Variants in PDE11A observed in about 807,000 individuals in gnomAD.
PDE11A encodes dual 3',5'-cyclic-AMP and -GMP phosphodiesterase 11A.
Under a neutral mutation model 100.5 loss-of-function variants are expected in PDE11A, and 100 were observed. The observed-to-expected ratio is 1.00, with a 90% CI of 0.85 to 1.18. PDE11A has a LOEUF of 1.18. PDE11A is among the 50% of genes most tolerant of loss of function. The pLI, the probability that PDE11A is intolerant of heterozygous loss-of-function variation, is 0.00. For synonymous variants in PDE11A, 381 were observed against 420.8 expected (o/e 0.91, Z 1.16); for missense variants, 1,141 against 1,152.6 (o/e 0.99, Z 0.15).
At position 178,097,663 on chromosome 2, in the gene PDE11A, A is replaced by G. The variant is rs187435230; in HGVS notation, c.162+6639T>C. On this transcript the variant is annotated intron_variant, in intron 2 of 20. Transcript: ENST00000358450. ...GCTAGTAGAAAATGATAAAACAGAA[A>G]CATATAAATGACAGCAAAAATGGAC... Among the ~76,000 whole-genome samples the G allele has an allele frequency of 2.4e-4, 36 of 152,348 alleles. 1 individual carries two copies. The highest frequency in any genetic ancestry group is 1.0e-3 in the Admixed American group (16 of 15,300).
chr2:177,817,863 A>G lies in PDE11A; in HGVS notation c.1639T>C (p.Phe547Leu), dbSNP rs755211669. 2 of 1,476,426 alleles carry G rather than the reference A, an allele frequency of 1.4e-6. No homozygotes were observed. The highest frequency in any genetic ancestry group is 1.4e-5 in the African/African-American group (1 of 70,494). 91.5% of individuals were successfully genotyped at this position (1,476,426 alleles called of 1,614,324 possible). A position where few individuals can be genotyped will look rare whatever the true frequency, so the allele number is the denominator to read the frequency against. ...TTATAAATTTATTTTCTTACCTCAA[A>G]AAGTCGTTGATCTGCATCATCAAAA... The part of the protein sequence containing the change: ...KPFDDADQRL[F>L]EAFVIFCGLG... Residue 547 changes from phenylalanine to leucine, a missense_variant, in exon 8 of 20, where the codon TTT becomes CTT. Phe to Leu is a conservative substitution (Grantham distance 22). Transcript: ENST00000286063.
At chr2:177,670,992 A>T (rs1343285046) in intron 17 of PDE11A, among the ~76,000 whole-genome samples, 1 of 152,062 alleles carries the variant, frequency 6.6e-6, no homozygotes. Flanking sequence ...CTCTCCTGCT[A>T]CCCTGCATTT....
chr2:177,660,154 T>TTC (rs67756876), intron 19 of PDE11A, among the ~76,000 whole-genome samples: 1 of 134,872 alleles, frequency 7.4e-6, no homozygotes, highest in African/African-American at 2.9e-5. Flanking sequence ...TCTTTCTTTC[T>TTC]TCTCTCTCTC....
At chr2:178,014,600 T>C (rs2086311777) in intron 1 of PDE11A, 140 bp from the exon 2 acceptor site, 4 of 692,972 alleles carry the variant, frequency 5.8e-6, no homozygotes, top group Non-Finnish European at 7.7e-6. Context: ...AGATTTGACT[T>C]CATTTTTAAT....
chr2:177,669,599 A>G, intron 17 of PDE11A, 32 bp from the exon 18 acceptor site: 2 of 930,318 alleles, frequency 2.1e-6, no homozygotes, highest in Non-Finnish European at 3.6e-6. Flanking sequence ...ATCTGTGATT[A>G]TGTGTAGTTT....
At chr2:177,814,774 G>C (rs554385638) in intron 9 of PDE11A, among the ~76,000 whole-genome samples, 1 of 152,312 alleles carries the variant, frequency 6.6e-6, no homozygotes, top group African/African-American at 2.4e-5. Flanking sequence ...CATGGGTAAA[G>C]AGACTGGGGC....
At chr2:177,799,175 T>A (rs534694923) in intron 9 of PDE11A, among the ~76,000 whole-genome samples, 2 of 151,916 alleles carry the variant, frequency 1.3e-5, no homozygotes, top group Non-Finnish European at 2.9e-5. Flanking sequence ...TCAACAAAAT[T>A]GAAAAGTATG....
At chr2:178,051,719 T>C (rs1356828088) in intron 1 of PDE11A, among the ~76,000 whole-genome samples, 5 of 152,240 alleles carry the variant, frequency 3.3e-5, no homozygotes, top group Non-Finnish European at 5.9e-5. Flanking sequence ...AATCCTAGTC[T>C]CTGATAAAAC....
At chr2:177,864,436 T>C (rs149481772) in intron 5 of PDE11A, among the ~76,000 whole-genome samples, 3 of 152,334 alleles carry the variant, frequency 2.0e-5, no homozygotes, top group Non-Finnish European at 4.4e-5. Context: ...TTACTATCTA[T>C]ATGTATTCCA....
intron 10 of PDE11A, among the ~76,000 whole-genome samples, chr2:177,759,687 C>A (rs1357457566): frequency 6.6e-6 from 1 of 152,200 alleles, no homozygotes; most frequent in African/African-American, 2.4e-5. Flanking sequence ...CATATACTCT[C>A]TTGCTAAGAA....
At chr2:177,629,694 A>T (rs1252425523) in intron 19 of PDE11A, 132 bp from the exon 20 acceptor site, 1 of 897,656 alleles carries the variant, frequency 1.1e-6, no homozygotes, top group Non-Finnish European at 1.8e-6. Flanking sequence ...ATTTTGGTAA[A>T]CAAGAGCTAT....
chr2:177,804,916 T>C (rs940031216), intron 9 of PDE11A, among the ~76,000 whole-genome samples: 38 of 151,706 alleles, frequency 2.5e-4, no homozygotes, highest in African/African-American at 8.0e-4. Flanking sequence ...TTAATAGACA[T>C]GGAAGGCTAC....
chr2:177,891,007 C>T (rs539840675), intron 4 of PDE11A, among the ~76,000 whole-genome samples: 2 of 152,194 alleles, frequency 1.3e-5, no homozygotes, highest in East Asian at 3.9e-4. Context: ...ATTAAATAAA[C>T]TTCTATTGAT....
chr2:177,754,425 A>C (rs1574108622), intron 10 of PDE11A, among the ~76,000 whole-genome samples: 1 of 152,252 alleles, frequency 6.6e-6, no homozygotes, highest in East Asian at 1.9e-4. Flanking sequence ...TGGTCTGATG[A>C]GCAGTTCTTC....
chr2:177,643,035 T>C (rs775114670), intron 19 of PDE11A, among the ~76,000 whole-genome samples: 6 of 152,230 alleles, frequency 3.9e-5, no homozygotes, highest in Non-Finnish European at 4.4e-5. Flanking sequence ...CGCATGGAAC[T>C]GTAAGTCCCT....
At position 177,898,076 on chromosome 2, in the gene PDE11A, TA is replaced by T; in HGVS notation, c.1283del (p.Leu428GlnfsTer9). ...AACTTACTGGTGATTCGATGTCCTC[TA>T]GGAGTAAAACAGAACAGCGTTCACA... is the stretch of plus-strand genomic sequence containing the variant. ...LKCERCSVLL[L>X]EDIESPVVKF... On this transcript the variant is annotated frameshift_variant, in exon 4 of 20. Coordinates refer to ENST00000286063, the MANE Select transcript of PDE11A (RefSeq NM_016953.4). LOFTEE classifies it high-confidence loss of function. The T allele has an allele frequency of 1.9e-6, 3 of 1,612,708 alleles. No homozygotes were observed. Among genetic ancestry groups the T allele is most frequent in the Non-Finnish European group, 2.5e-6 (3 of 1,178,730 alleles).
At chr2:177,743,575 G>A (rs2081906050) in intron 10 of PDE11A, among the ~76,000 whole-genome samples, 1 of 152,200 alleles carries the variant, frequency 6.6e-6, no homozygotes, top group Admixed American at 6.5e-5. Context: ...GGATGGCCAA[G>A]AAGTTATAGT....
intron 10 of PDE11A, among the ~76,000 whole-genome samples, chr2:177,763,552 T>C (rs2082198367): frequency 6.6e-6 from 1 of 152,168 alleles, no homozygotes; most frequent in Non-Finnish European, 1.5e-5. Flanking sequence ...GGAGCCTCTA[T>C]GGGTCATCTG....
chr2:177,729,268 C>T (rs1291286335), intron 10 of PDE11A, among the ~76,000 whole-genome samples: 1 of 152,190 alleles, frequency 6.6e-6, no homozygotes, highest in Non-Finnish European at 1.5e-5. Context: ...GTCTAAGTCT[C>T]TTCTCAAAAT....
Sources: gnomAD v4.1 joint callset for allele counts (sites outside exome capture counted in the v4.1 genomes callset) on GRCh38, gnomAD v4.1.1 for gene constraint, MANE v1.5 for transcripts, NCBI Gene and HGNC (gene_info 2026-07-23, HGNC 2026-07-21) for gene names.